RBM23: variants seen among roughly 807,000 people sequenced by gnomAD.
RBM23 encodes probable RNA-binding protein 23.
RBM23 carries 53 observed loss-of-function variants against 56.2 expected under a neutral mutation model. The ratio of observed to expected loss-of-function variants is 0.94; its 90% CI spans 0.76 to 1.19. The LOEUF (loss-of-function observed/expected upper bound fraction) is 1.19. Among genes scored for constraint, RBM23 ranks in the 50% most tolerant of loss-of-function variants. The probability of loss-of-function intolerance (pLI) is 0.00; values close to 1 mark genes in which losing one functional copy is unlikely to be tolerated. For missense variants in RBM23, 642 were observed against 590.3 expected (o/e 1.09, Z -0.91); for synonymous variants, 197 against 198.5 (o/e 0.99, Z 0.06).
rs1176551000 is a variant in RBM23 at position 22,896,715 on chromosome 14, C to T, written c.*5015G>A. ...ACTTCATCCAACTTTTTGAAGTGATCTTTGCTCAGCTCTTTCCTTGCACCC... is the reference window on the plus strand; with the variant it reads ...ACTTCATCCAACTTTTTGAAGTGATTTTTGCTCAGCTCTTTCCTTGCACCC... On this transcript the variant is annotated 3_prime_UTR_variant, in exon 14 of 14. Coordinates refer to ENST00000359890, the MANE Select transcript of RBM23 (RefSeq NM_001077351.2). 1 of 152,214 alleles carries T rather than the reference C, an allele frequency of 6.6e-6. No homozygotes were observed. Among genetic ancestry groups the T allele is most frequent in the African/African-American group, 2.4e-5 (1 of 41,450 alleles). The allele number at this position is 152,214 out of a possible 1,614,324, so 9.4% of individuals were successfully genotyped here.
intron 10 of RBM23, chr14:22,903,288 A>C (rs1048171746): frequency 2.0e-6 from 2 of 985,354 alleles, no homozygotes; most frequent in African/African-American, 3.5e-5. Context: ...GAGGATTCCC[A>C]GTCTGCTGTT....
chr14:22,893,782 C>T lies in RBM23; in HGVS notation c.*7948G>A, dbSNP rs1357384758. On this transcript the variant is annotated 3_prime_UTR_variant, in exon 14 of 14. Transcript: ENST00000359890. ...ACAAATGCCGGACAAGAGCATACTG[C>T]TTCTCAGGCCTTTATCATCTCGGTG... is the stretch of plus-strand genomic sequence containing the variant. 6.6e-6 allele frequency: 1 copy of T among 152,070 alleles called. No homozygotes were observed. Among genetic ancestry groups the T allele is most frequent in the Non-Finnish European group, 1.5e-5 (1 of 68,018 alleles). 9.4% of individuals were successfully genotyped at this position (152,070 alleles called of 1,614,324 possible). A position where few individuals can be genotyped will look rare whatever the true frequency, so the allele number is the denominator to read the frequency against.
At chr14:22,910,484 AAAAG>A (rs1205146673) in intron 2 of RBM23, among the ~76,000 whole-genome samples, 3 of 145,738 alleles carry the variant, frequency 2.1e-5, no homozygotes, top group East Asian at 4.4e-4. Flanking sequence ...AAGAAAGGAA[AAAAG>A]AAAGCGGTGG....
chr14:22,915,077 T>C (rs1294060629), intron 1 of RBM23, among the ~76,000 whole-genome samples: 3 of 151,704 alleles, frequency 2.0e-5, no homozygotes, highest in Admixed American at 6.6e-5. Flanking sequence ...TAAGAGTCCA[T>C]ATCCTATTTT....
chr14:22,914,323 C>CCA (rs2139111785), intron 1 of RBM23, among the ~76,000 whole-genome samples: 1 of 87,816 alleles, frequency 1.1e-5, no homozygotes, highest in East Asian at 3.1e-4. Context: ...GACTCTGTCT[C>CCA]AAAAAAAAAA....
At chr14:22,902,579 A>G in intron 10 of RBM23, 197 bp from the exon 11 acceptor site, 8 of 1,296,266 alleles carry the variant, frequency 6.2e-6, no homozygotes, top group Non-Finnish European at 7.8e-6. Flanking sequence ...AATGGACTCA[A>G]TGGCAGTCAC....
At chr14:22,912,207 T>G (rs1046401847) in intron 1 of RBM23, among the ~76,000 whole-genome samples, 13 of 152,086 alleles carry the variant, frequency 8.5e-5, no homozygotes, top group Non-Finnish European at 1.6e-4. Context: ...TATAGGCACA[T>G]TATGTCCAAT....
intron 1 of RBM23, among the ~76,000 whole-genome samples, chr14:22,917,322 CG>C (rs1389892605): frequency 2.0e-5 from 3 of 152,058 alleles, no homozygotes; most frequent in Non-Finnish European, 4.4e-5. Context: ...AGTGCTAATG[CG>C]GGGTAAGAAC....
chr14:22,917,458 T>C (rs2043726429), intron 1 of RBM23: 1 of 152,226 alleles, frequency 6.6e-6, no homozygotes, highest in Non-Finnish European at 1.5e-5. Context: ...CAACACAATA[T>C]TTTGAAACTT....
intron 1 of RBM23, among the ~76,000 whole-genome samples, chr14:22,918,679 G>A (rs1279514868): frequency 9.2e-5 from 14 of 152,080 alleles, no homozygotes; most frequent in Admixed American, 9.2e-4. Flanking sequence ...GAGGGTCGAT[G>A]CTCCCTCTCC....
In RBM23 at chr14:22,909,570, T is replaced by A; in HGVS notation, c.92A>T (p.Lys31Ile). ...GGTGGTATTGCTAGGATAATCCTTT[T>A]TAACTTCTTTCCTTTGTTGCTCATC... ...EEDEQQRKEV[K>I]KDYPSNTTSS... is the part of the protein sequence containing the mutation. The change falls in exon 3 of 14, where the codon AAA becomes ATA. Residue 31 changes from lysine to isoleucine, a missense_variant. Transcript: ENST00000359890. 1.9e-6 allele frequency: 3 copies of A among 1,613,618 alleles called. No individual in the cohort carries two copies. The highest frequency in any genetic ancestry group is 2.5e-6 in the Non-Finnish European group (3 of 1,179,986).
intron 3 of RBM23, among the ~76,000 whole-genome samples, chr14:22,908,892 T>C (rs536057723): frequency 1.0e-3 from 157 of 152,036 alleles, no homozygotes; most frequent in Non-Finnish European, 1.8e-3. Context: ...GAGGCCATTT[T>C]TCCCCCTAAT....
In RBM23 at chr14:22,894,519, A is replaced by T. The variant is rs2040216569; in HGVS notation, c.*7211T>A. Reference sequence around the variant, plus strand: ...ATCACTTGAGGTCAAGAGAGAGACCAGCCTGGCCAACATGGTGAAACCCTA... The same window carrying T: ...ATCACTTGAGGTCAAGAGAGAGACCTGCCTGGCCAACATGGTGAAACCCTA... On this transcript the variant is annotated 3_prime_UTR_variant, in exon 14 of 14. Coordinates refer to ENST00000359890, the MANE Select transcript of RBM23 (RefSeq NM_001077351.2). The T allele has an allele frequency of 6.6e-6, 1 of 151,828 alleles. No individual in the cohort carries two copies. Among genetic ancestry groups the T allele is most frequent in the South Asian group, 2.1e-4 (1 of 4,830 alleles). 9.4% of individuals were successfully genotyped at this position (151,828 alleles called of 1,614,324 possible).
At chr14:22,903,811 C>T (rs991683846) in intron 10 of RBM23, 11 of 1,072,926 alleles carry the variant, frequency 1.0e-5, no homozygotes, top group African/African-American at 1.7e-5. Flanking sequence ...CATAGTGCTA[C>T]GTTAATAACT....
intron 9 of RBM23, 70 bp from the exon 10 acceptor site, chr14:22,904,396 T>G: frequency 8.1e-7 from 1 of 1,228,208 alleles, no homozygotes; most frequent in Non-Finnish European, 1.2e-6. Context: ...CTACCCAGAC[T>G]GCTTTTTTTT....
At chr14:22,906,405 T>C (rs1166405007) in intron 4 of RBM23, 37 bp from the exon 5 acceptor site, 23 of 1,606,550 alleles carry the variant, frequency 1.4e-5, no homozygotes, top group African/African-American at 2.7e-5. Flanking sequence ...GCCCACATCA[T>C]GTTTAGGCCA....
chr14:22,901,579 G>C lies in RBM23; in HGVS notation c.*151C>G. Reference sequence around the variant, plus strand: ...GGACCATGGGCAGGAGCTTTTCTTGGTATCTTAAGGGTGGCCCCAATTTCC... The same window carrying C: ...GGACCATGGGCAGGAGCTTTTCTTGCTATCTTAAGGGTGGCCCCAATTTCC... On this transcript the variant is annotated 3_prime_UTR_variant, in exon 14 of 14. Transcript: ENST00000359890. The C allele has an allele frequency of 8.8e-7, 1 of 1,138,306 alleles. No homozygotes were observed. The highest frequency in any genetic ancestry group is 2.3e-5 in the Admixed American group (1 of 44,210). The allele number at this position is 1,138,306 out of a possible 1,614,324, so 70.5% of individuals were successfully genotyped here.
chr14:22,902,370 C>T lies in RBM23; in HGVS notation c.943G>A (p.Glu315Lys). 1.2e-6 allele frequency: 2 copies of T among 1,612,278 alleles called. No homozygotes were observed. Among genetic ancestry groups the T allele is most frequent in the Non-Finnish European group, 1.7e-6 (2 of 1,178,442 alleles). ...TGTTCCAGGGCCCGCCGGGCACACT[C>T]AGAATCAGAGAACTATGAGAAACCC... ...GYGFITFSDS[E>K]CARRALEQLN... Residue 315 changes from glutamate to lysine, a missense_variant, in exon 11 of 14, where the codon GAG (glutamate) becomes AAG (lysine). Glu to Lys is a moderately conservative substitution (Grantham distance 56). Coordinates refer to ENST00000359890, the MANE Select transcript of RBM23 (RefSeq NM_001077351.2).
At chr14:22,902,655 C>A (rs2040768170) in intron 10 of RBM23, 1 of 1,158,394 alleles carries the variant, frequency 8.6e-7, no homozygotes, top group Non-Finnish European at 1.1e-6. Flanking sequence ...GGAAACCTAG[C>A]CTGACAAGTT....
Sources: allele counts gnomAD v4.1 joint callset (sites outside exome capture counted in the v4.1 genomes callset), GRCh38; gene constraint gnomAD v4.1.1; transcripts MANE v1.5; gene names NCBI Gene and HGNC (gene_info 2026-07-23, HGNC 2026-07-21).